DOCK11: variants seen among roughly 807,000 people sequenced by gnomAD.
DOCK11 encodes dedicator of cytokinesis protein 11.
Under a neutral mutation model 169.1 loss-of-function variants are expected in DOCK11, and 70 were observed. The observed-to-expected ratio is 0.41, with a 90% CI of 0.34 to 0.51. The LOEUF is 0.51. DOCK11 is among the 20% of genes least tolerant of loss of function. The pLI is 0.10. For missense variants in DOCK11, 1,166 were observed against 1,538.8 expected (o/e 0.76, Z 4.05); for synonymous variants, 529 against 541.3 (o/e 0.98, Z 0.32).
intron 32 of DOCK11, among the ~76,000 whole-genome samples, chrX:118,626,996 A>G (rs2015122220): frequency 2.7e-5 from 3 of 112,338 alleles, no homozygotes; most frequent in African/African-American, 9.7e-5. Context: ...TGGGGAGGCC[A>G]AGGCAGGAGG....
At position 118,561,027 on chromosome X, in the gene DOCK11, G is replaced by A. The variant is rs148472064; in HGVS notation, c.559-356G>A. Among the ~76,000 whole-genome samples, 12 of 111,824 alleles carry A rather than the reference G, an allele frequency of 1.1e-4. No homozygotes were observed. In the East Asian group the frequency reaches 3.1e-3, roughly 29 times the overall value. On this transcript the variant is annotated intron_variant, in intron 6 of 52. Transcript: ENST00000276202. ...GCTTTTTATGTTTATTCTTGGATTC[G>A]TGGTAATAGAAACCAAATTAAAATG...
chrX:118,597,323 A>G (rs1603102324), intron 20 of DOCK11, 108 bp from the exon 21 acceptor site: 2 of 1,037,132 alleles, frequency 1.9e-6, no homozygotes, highest in Non-Finnish European at 2.6e-6. Context: ...TCCCACATAC[A>G]GATCCCTGGA....
chrX:118,628,611 G>A (rs772869487), intron 34 of DOCK11, among the ~76,000 whole-genome samples: 1 of 112,226 alleles, frequency 8.9e-6, no homozygotes, highest in Non-Finnish European at 1.9e-5. Flanking sequence ...CAGGATTAAT[G>A]CAGTCTTTCA....
chrX:118,604,521 C>CTTT (rs74504860), intron 23 of DOCK11, among the ~76,000 whole-genome samples: 6 of 38,194 alleles, frequency 1.6e-4, no homozygotes, highest in South Asian at 4.1e-3. Flanking sequence ...GGTTTGTTTC[C>CTTT]TTTTTTTTTT....
At chrX:118,505,188 C>G (rs765657788) in intron 1 of DOCK11, among the ~76,000 whole-genome samples, 1 of 111,537 alleles carries the variant, frequency 9.0e-6, no homozygotes, top group Admixed American at 9.5e-5. Flanking sequence ...CATTGCCCGG[C>G]TAAGTTTTGT....
intron 52 of DOCK11, 101 bp downstream of exon 52, chrX:118,683,318 TAA>T: frequency 1.1e-6 from 1 of 889,980 alleles, no homozygotes; most frequent in Non-Finnish European, 1.5e-6. Context: ...TTAAAGTTAT[TAA>T]GTCTATATTT....
chrX:118,502,785 CAAACAAAA>C (rs997212268), intron 1 of DOCK11, among the ~76,000 whole-genome samples: 25 of 109,325 alleles, frequency 2.3e-4, no homozygotes, highest in Non-Finnish European at 4.4e-4. Context: ...AACAAACAAA[CAAACAAAA>C]AAACAGTATT....
At position 118,608,090 on chromosome X, in the gene DOCK11, A is replaced by G; in HGVS notation, c.2700A>G (p.Val900=). Residue 900 remains valine, a synonymous_variant, in exon 25 of 53, where the codon GTA becomes GTG. Coordinates refer to ENST00000276202, the MANE Select transcript of DOCK11 (RefSeq NM_144658.4). Reference sequence around the variant, plus strand: ...GTTTCAGGGTTCTCTTACATATTGTATCAAAGTGCCATGAAGAAGGCTTGG... The same window carrying G: ...GTTTCAGGGTTCTCTTACATATTGTGTCAAAGTGCCATGAAGAAGGCTTGG... ...INCTMVLLHI[V]SKCHEEGLDS... is the part of the protein sequence containing the mutation. 3 of 1,205,748 alleles carry G rather than the reference A, an allele frequency of 2.5e-6. No homozygotes were observed. The South Asian group carries it at 5.4e-5, about 22-fold the overall frequency.
chrX:118,513,652 T>C (rs144659967), intron 1 of DOCK11, among the ~76,000 whole-genome samples: 84 of 112,550 alleles, frequency 7.5e-4, no homozygotes, highest in African/African-American at 2.6e-3. Flanking sequence ...AATTATGTAA[T>C]TGTAACCCCA....
chrX:118,641,194 TACA>T lies in DOCK11; in HGVS notation c.4155_4157del (p.Thr1386del). On this transcript the variant is annotated inframe_deletion, in exon 39 of 53. Coordinates refer to ENST00000276202, the MANE Select transcript of DOCK11 (RefSeq NM_144658.4). ...AATTTACTTTTTTAATCCTAGGTTC[TACA>T]ACAACTGAAGCAGACATTTTCCACC... 1 of 1,200,100 alleles carries T rather than the reference TACA, an allele frequency of 8.3e-7. No homozygotes were observed. The highest frequency in any genetic ancestry group is 2.2e-5 in the Admixed American group (1 of 45,946).
chrX:118,524,750 C>T (rs888109080), intron 1 of DOCK11, among the ~76,000 whole-genome samples: 4 of 111,334 alleles, frequency 3.6e-5, no homozygotes, highest in Middle Eastern at 4.6e-3. Flanking sequence ...GGAACACGGG[C>T]GGGGCGGACC....
At chrX:118,621,529 C>T (rs774779891) in intron 31 of DOCK11, among the ~76,000 whole-genome samples, 1 of 112,138 alleles carries the variant, frequency 8.9e-6, no homozygotes, top group South Asian at 3.7e-4. Flanking sequence ...CCCTAATCAT[C>T]CCCACCCTTT....
chrX:118,685,798 T>C lies in DOCK11; in HGVS notation c.6213T>C (p.Ala2071=). ...GAGGTTATGGTTCCCCAAGATACGC[T>C]GAAGTGTGAGGAAATGCAGATGTAC... ...SDRGYGSPRY[A]EV is the part of the protein sequence containing the mutation. The change falls in exon 53 of 53, where the codon GCT becomes GCC. Residue 2071 remains alanine (A), a synonymous_variant. Coordinates refer to ENST00000276202, the MANE Select transcript of DOCK11 (RefSeq NM_144658.4). 2 of 1,209,708 alleles carry C rather than the reference T, an allele frequency of 1.7e-6. No individual in the cohort carries two copies. Among genetic ancestry groups the C allele is most frequent in the East Asian group, 3.0e-5 (1 of 33,788 alleles).
intron 6 of DOCK11, among the ~76,000 whole-genome samples, chrX:118,547,242 A>G (rs922167191): frequency 2.7e-5 from 3 of 111,899 alleles, no homozygotes; most frequent in African/African-American, 9.7e-5. Flanking sequence ...TGCATTAAGT[A>G]TTGAAGGTCA....
chrX:118,585,685 T>C (rs1351439689), intron 16 of DOCK11, among the ~76,000 whole-genome samples: 1 of 109,478 alleles, frequency 9.1e-6, no homozygotes, highest in Non-Finnish European at 1.9e-5. Context: ...TATCAGATGC[T>C]GTTTCATATA....
chrX:118,498,930 TTAAC>T (rs1457862388), intron 1 of DOCK11, among the ~76,000 whole-genome samples: 1 of 111,774 alleles, frequency 8.9e-6, no homozygotes, highest in African/African-American at 3.3e-5. Context: ...CACGAATCTA[TTAAC>T]TAACTACATA....
chrX:118,642,683 A>G (rs1308183632), intron 39 of DOCK11, among the ~76,000 whole-genome samples: 3 of 111,272 alleles, frequency 2.7e-5, no homozygotes, highest in Non-Finnish European at 5.7e-5. Context: ...CTTGAAATAT[A>G]CTAAGGAAAG....
At chrX:118,569,983 T>C (rs1235787902) in intron 10 of DOCK11, among the ~76,000 whole-genome samples, 1 of 112,051 alleles carries the variant, frequency 8.9e-6, no homozygotes, top group Non-Finnish European at 1.9e-5. Context: ...AAAACTGAAC[T>C]GGTTTTATGT....
At chrX:118,538,685 T>A (rs908334577) in intron 1 of DOCK11, 1 of 750,632 alleles carries the variant, frequency 1.3e-6, no homozygotes, top group Non-Finnish European at 1.6e-6. Flanking sequence ...TTGCTATTAT[T>A]TGAATGTTTA....
Sources: gnomAD v4.1 joint callset for allele counts (sites outside exome capture counted in the v4.1 genomes callset) on GRCh38, gnomAD v4.1.1 for gene constraint, MANE v1.5 for transcripts, NCBI Gene and HGNC (gene_info 2026-07-23, HGNC 2026-07-21) for gene names.